Variants in WDR7 observed in about 807,000 individuals in gnomAD.
WDR7 encodes the protein WD repeat domain 7.
Under a neutral mutation model 169.4 loss-of-function variants are expected in WDR7, and 46 were observed. The ratio of observed to expected loss-of-function variants is 0.27; its 90% CI spans 0.21 to 0.35. The LOEUF (loss-of-function observed/expected upper bound fraction) is 0.35, where lower values mean the gene tolerates loss of function less well. WDR7 is among the 10% of genes least tolerant of loss of function. WDR7 has a pLI of 1.00. For synonymous variants in WDR7, 612 were observed against 666.8 expected (o/e 0.92, Z 1.27); for missense variants, 1,534 against 1,859.3 (o/e 0.83, Z 3.22).
intron 17 of WDR7, among the ~76,000 whole-genome samples, chr18:56,777,851 C>G (rs1258964077): frequency 1.3e-5 from 2 of 152,074 alleles, no homozygotes; most frequent in Non-Finnish European, 2.9e-5. Context: ...TGTCATAGAA[C>G]TTTAATAAGG....
At chr18:56,922,012 G>A (rs999509468) in intron 21 of WDR7, among the ~76,000 whole-genome samples, 2 of 152,118 alleles carry the variant, frequency 1.3e-5, no homozygotes, top group African/African-American at 4.8e-5. Context: ...GCAATATTTA[G>A]CAAGGATTCA....
At chr18:56,886,639 A>G (rs538073080) in intron 21 of WDR7, among the ~76,000 whole-genome samples, 1 of 152,368 alleles carries the variant, frequency 6.6e-6, no homozygotes, top group South Asian at 2.1e-4. Flanking sequence ...CTAACATTGA[A>G]TGTAAATGGC....
rs754733658 is a variant in WDR7 at position 56,756,633 on chromosome 18, G to C, written c.2040G>C (p.Lys680Asn). ...SHNSLMVQAIKTNLTDPDIHV... is the reference protein window; with the variant it reads ...SHNSLMVQAINTNLTDPDIHV... ...ACTCCCTGATGGTTCAAGCAATAAAGACAAACCTAACAGACCCGGACATAC... is the reference window on the plus strand; with the variant it reads ...ACTCCCTGATGGTTCAAGCAATAAACACAAACCTAACAGACCCGGACATAC... The change falls in exon 15 of 28, where the codon AAG (lysine) becomes AAC (asparagine). Residue 680 changes from lysine to asparagine, a missense_variant. By Grantham distance (94) the Lys-to-Asn change is moderately conservative (BLOSUM62 0). Coordinates refer to ENST00000254442, the MANE Select transcript of WDR7 (RefSeq NM_015285.3). 9 of 1,613,528 alleles carry C rather than the reference G, an allele frequency of 5.6e-6. No homozygotes were observed. Among genetic ancestry groups the C allele is most frequent in the Non-Finnish European group, 7.6e-6 (9 of 1,179,928 alleles).
rs745344661 is a variant in WDR7 at position 56,923,879 on chromosome 18, G to T, written c.3527-43G>T. ...TGCTTCAAAAGAAACAATTACAAAA[G>T]TAAAATTCCCCTTTTGCTCTGCATT... On this transcript the variant is annotated intron_variant, in intron 21 of 27. Transcript: ENST00000254442. 1.5e-5 allele frequency: 22 copies of T among 1,457,414 alleles called. No individual in the cohort carries two copies. The African/African-American group carries it at 2.5e-4, about 17-fold the overall frequency. The allele number at this position is 1,457,414 out of a possible 1,614,324, so 90.3% of individuals were successfully genotyped here.
chr18:56,879,986 C>A lies in WDR7; in HGVS notation c.3347C>A (p.Ser1116Tyr). 6.2e-7 allele frequency: 1 copy of A among 1,614,006 alleles called. No individual in the cohort carries two copies. Among genetic ancestry groups the A allele is most frequent in the Non-Finnish European group, 8.5e-7 (1 of 1,179,942 alleles). The change falls in exon 21 of 28, where the codon TCT (serine) becomes TAT (tyrosine). Residue 1116 changes from serine (S) to tyrosine (Y), a missense_variant. Physicochemically the swap from Ser to Tyr is moderately radical, Grantham distance 144. Coordinates refer to ENST00000254442, the MANE Select transcript of WDR7 (RefSeq NM_015285.3). Reference sequence around the variant, plus strand: ...CCACAAATGAAAAAAATTTCTACATCTTACGAGGAAAGACGGAAGCAAGCT... The same window carrying A: ...CCACAAATGAAAAAAATTTCTACATATTACGAGGAAAGACGGAAGCAAGCT... ...SVPQMKKIST[S>Y]YEERRKQATA...
At chr18:56,979,621 T>C (rs1414430661) in intron 26 of WDR7, among the ~76,000 whole-genome samples, 3 of 152,348 alleles carry the variant, frequency 2.0e-5, no homozygotes, top group Non-Finnish European at 4.4e-5. Context: ...TATCTCTGGA[T>C]CTCTGTCACA....
intron 22 of WDR7, among the ~76,000 whole-genome samples, chr18:56,927,979 G>A (rs2046830383): frequency 6.6e-6 from 1 of 152,202 alleles, no homozygotes; most frequent in South Asian, 2.1e-4. Flanking sequence ...GGGGATGCAA[G>A]GAGGGGTTTC....
intron 20 of WDR7, among the ~76,000 whole-genome samples, chr18:56,826,985 A>C (rs1373009340): frequency 6.6e-6 from 1 of 152,220 alleles, no homozygotes; most frequent in African/African-American, 2.4e-5. Context: ...GATGACATAT[A>C]TGTGCATATT....
chr18:56,997,684 G>A (rs2047917199), intron 26 of WDR7, among the ~76,000 whole-genome samples: 1 of 152,018 alleles, frequency 6.6e-6, no homozygotes, highest in Admixed American at 6.6e-5. Flanking sequence ...AATTCATCTT[G>A]GGATTTTTTT....
At chr18:57,018,443 G>C (rs977135795) in intron 26 of WDR7, among the ~76,000 whole-genome samples, 1 of 152,214 alleles carries the variant, frequency 6.6e-6, no homozygotes, top group Non-Finnish European at 1.5e-5. Context: ...TGGTACACAG[G>C]TCTTCTTTTG....
intron 19 of WDR7, among the ~76,000 whole-genome samples, chr18:56,787,794 A>G (rs1162065298): frequency 6.6e-6 from 1 of 152,254 alleles, no homozygotes; most frequent in African/African-American, 2.4e-5. Context: ...GACCAACACT[A>G]TACAAGAAGG....
At chr18:56,787,925 C>CG (rs773257436) in intron 19 of WDR7, among the ~76,000 whole-genome samples, 1 of 152,054 alleles carries the variant, frequency 6.6e-6, no homozygotes, top group Non-Finnish European at 1.5e-5. Context: ...AGGAAGAGGA[C>CG]GGGGGGAAGG....
intron 12 of WDR7, among the ~76,000 whole-genome samples, chr18:56,701,916 A>T (rs2025842531): frequency 6.6e-6 from 1 of 152,216 alleles, no homozygotes; most frequent in Admixed American, 6.5e-5. Flanking sequence ...ATGCTTCAGA[A>T]CTATAGAATA....
rs148538757 is a variant in WDR7, at chr18:56,776,047, G to A, written c.2849-735G>A. ...TGCCATACGGTCCTTTTGCTTTTTC[G>A]TATGATAATTTAAGCTGAAACATTT... On this transcript the variant is annotated intron_variant, in intron 16 of 27. Transcript: ENST00000254442. 4.9e-3 allele frequency among the ~76,000 whole-genome samples: 738 copies of A among 152,090 alleles called. 9 individuals are homozygous for A. The highest frequency in any genetic ancestry group is 0.017 in the African/African-American group (686 of 41,490).
intron 2 of WDR7, among the ~76,000 whole-genome samples, 160 bp from the exon 3 acceptor site, chr18:56,679,172 T>C (rs1262722154): frequency 1.3e-5 from 2 of 152,236 alleles, no homozygotes; most frequent in Non-Finnish European, 2.9e-5. Context: ...CTAGAAGTTC[T>C]CCCAGGCGGC....
intron 22 of WDR7, 48 bp from the exon 23 acceptor site, chr18:56,935,740 T>C: frequency 6.4e-7 from 1 of 1,562,568 alleles, no homozygotes; most frequent in Non-Finnish European, 8.8e-7. Context: ...TCAGTCCATA[T>C]TTCTAATGCT....
At chr18:56,881,608 ATTTAT>A (rs1051784257) in intron 21 of WDR7, among the ~76,000 whole-genome samples, 7 of 151,936 alleles carry the variant, frequency 4.6e-5, no homozygotes, top group Admixed American at 3.3e-4. Flanking sequence ...CAATTTATTG[ATTTAT>A]TTTATTTTAT....
At chr18:56,752,724 A>G (rs1051423352) in intron 14 of WDR7, among the ~76,000 whole-genome samples, 1 of 152,196 alleles carries the variant, frequency 6.6e-6, no homozygotes, top group Non-Finnish European at 1.5e-5. Flanking sequence ...GCTTAACTGT[A>G]GTATAGAAAT....
intron 1 of WDR7, among the ~76,000 whole-genome samples, chr18:56,660,045 G>A (rs1051390250): frequency 1.1e-4 from 16 of 152,192 alleles, no homozygotes; most frequent in African/African-American, 3.6e-4. Context: ...GGTATAGCCA[G>A]TGGAGTTTAC....
Sources: gnomAD v4.1 joint callset for allele counts (sites outside exome capture counted in the v4.1 genomes callset) on GRCh38, gnomAD v4.1.1 for gene constraint, MANE v1.5 for transcripts, NCBI Gene and HGNC (gene_info 2026-07-23, HGNC 2026-07-21) for gene names.